The following LIN28B variants were observed in gnomAD, a reference collection of about 807,000 sequenced individuals.
The protein encoded by LIN28B is protein lin-28 homolog B.
A neutral mutation model predicts 21.9 loss-of-function variants in LIN28B; 5 were observed. The observed-to-expected ratio is 0.23, with a 90% CI of 0.12 to 0.48. LIN28B has a LOEUF of 0.48. LIN28B is among the 20% of genes least tolerant of loss of function. The pLI, the probability that LIN28B is intolerant of heterozygous loss-of-function variation, is 0.98. For synonymous variants in LIN28B, 109 were observed against 111.3 expected, an observed-to-expected ratio of 0.98 and a Z score of 0.13; for missense variants, 245 against 310.5, an observed-to-expected ratio of 0.79 and a Z score of 1.58.
chr6:104,984,223 G>T (rs773730414), intron 2 of LIN28B, among the ~76,000 whole-genome samples: 56 of 152,068 alleles, frequency 3.7e-4, no homozygotes, highest in Non-Finnish European at 1.0e-4. Context: ...TAGGTGATTT[G>T]GTAAATGTTT....
chr6:104,940,306 G>A (rs1412917136), intron 2 of LIN28B: 2 of 159,708 alleles, frequency 1.3e-5, no homozygotes, highest in East Asian at 3.9e-4. Context: ...TGGGGAGCAA[G>A]GAGTAGCATC....
rs199715968 is a variant in LIN28B, at chr6:104,979,215, A to AT, written c.198+20942dup. ...ATTTTTATTTTTATTTTTTAATTTA[A>AT]TTTTTTTTTTTTTATACAGAATCTC... On this transcript the variant is annotated intron_variant, in intron 2 of 3. Coordinates refer to ENST00000345080, the MANE Select transcript of LIN28B (RefSeq NM_001004317.4). Among the ~76,000 whole-genome samples the AT allele has an allele frequency of 6.9e-3, 1,005 of 145,754 alleles. 7 individuals are homozygous for AT. Among genetic ancestry groups the AT allele is most frequent in the Middle Eastern group, 0.021 (6 of 290 alleles).
intron 2 of LIN28B, among the ~76,000 whole-genome samples, chr6:105,009,223 T>C (rs1469061143): frequency 6.6e-6 from 1 of 152,148 alleles, no homozygotes; most frequent in Non-Finnish European, 1.5e-5. Context: ...GGTACCAAGT[T>C]TTGTGTTAGG....
chr6:105,066,416 G>A (rs1562112632), intron 3 of LIN28B, among the ~76,000 whole-genome samples: 1 of 152,132 alleles, frequency 6.6e-6, no homozygotes, highest in Non-Finnish European at 1.5e-5. Flanking sequence ...TTTTAATCTA[G>A]CGCCCTTTTG....
chr6:105,059,002 T>C (rs1743714147), intron 3 of LIN28B, among the ~76,000 whole-genome samples: 2 of 152,224 alleles, frequency 1.3e-5, no homozygotes, highest in Admixed American at 1.3e-4. Flanking sequence ...TCCTAAGATA[T>C]GCTTGTCAGA....
rs888873395 is a variant in LIN28B at position 105,080,562 on chromosome 6, G to GT, written c.*1780dup. 2 of 152,552 alleles carry GT rather than the reference G, an allele frequency of 1.3e-5. No homozygotes were observed. Among genetic ancestry groups the GT allele is most frequent in the African/African-American group, 4.8e-5 (2 of 41,420 alleles). 9.4% of individuals were successfully genotyped at this position (152,552 alleles called of 1,614,324 possible). A position where few individuals can be genotyped will look rare whatever the true frequency, so the allele number is the denominator to read the frequency against. Reference sequence around the variant, plus strand: ...CACAACAGTGATTGTGAGAATCTGCGTGGTATACACTGAAATATCGGTGTG... The same window carrying GT: ...CACAACAGTGATTGTGAGAATCTGCGTTGGTATACACTGAAATATCGGTGTG... On this transcript the variant is annotated 3_prime_UTR_variant, in exon 4 of 4. Coordinates refer to ENST00000345080, the MANE Select transcript of LIN28B (RefSeq NM_001004317.4).
At chr6:105,026,264 C>G (rs1457381371) in intron 2 of LIN28B, 34 bp from the exon 3 acceptor site, 2 of 1,271,766 alleles carry the variant, frequency 1.6e-6, no homozygotes, top group East Asian at 2.4e-5. Context: ...TTTAATCTCT[C>G]TTTTTCTCCC....
Position 105,082,225 on chromosome 6 carries a change from T to A in LIN28B, c.*3442T>A, listed in dbSNP as rs908961604. On this transcript the variant is annotated 3_prime_UTR_variant, in exon 4 of 4. Transcript: ENST00000345080. ...CTGCTTATAACTTGGAAGTTTAGAG[T>A]GCAATGTAAGAAAAAAGATCAAGAA... 2 of 152,624 alleles carry A rather than the reference T, an allele frequency of 1.3e-5. No homozygotes were observed. The highest frequency in any genetic ancestry group is 2.9e-5 in the Non-Finnish European group (2 of 68,036). 9.5% of individuals were successfully genotyped at this position (152,624 alleles called of 1,614,324 possible). A position where few individuals can be genotyped will look rare whatever the true frequency, so the allele number is the denominator to read the frequency against.
At chr6:105,050,093 G>A (rs1207898465) in intron 3 of LIN28B, among the ~76,000 whole-genome samples, 1 of 152,166 alleles carries the variant, frequency 6.6e-6, no homozygotes, top group Non-Finnish European at 1.5e-5. Context: ...TTTCTTCCTA[G>A]CATGAATGGT....
chr6:104,976,468 C>CATT (rs1173998770), intron 2 of LIN28B, among the ~76,000 whole-genome samples: 2 of 152,134 alleles, frequency 1.3e-5, no homozygotes, highest in East Asian at 3.9e-4. Context: ...CTTTATTGAA[C>CATT]ATTAGCTTTA....
At chr6:104,972,307 C>T (rs1224369427) in intron 2 of LIN28B, among the ~76,000 whole-genome samples, 1 of 151,846 alleles carries the variant, frequency 6.6e-6, no homozygotes, top group Non-Finnish European at 1.5e-5. Flanking sequence ...TAAACAAAAG[C>T]CTGTTTTTAA....
At chr6:104,997,552 C>T (rs1012781014) in intron 2 of LIN28B, among the ~76,000 whole-genome samples, 5 of 151,558 alleles carry the variant, frequency 3.3e-5, no homozygotes, top group Admixed American at 6.6e-5. Flanking sequence ...CGCCCCCCCC[C>T]GCCACACACA....
chr6:104,980,525 T>C (rs1306088042), intron 2 of LIN28B, among the ~76,000 whole-genome samples: 1 of 152,196 alleles, frequency 6.6e-6, no homozygotes, highest in African/African-American at 2.4e-5. Context: ...ATTCCTTTTA[T>C]GATTAGAAGG....
chr6:105,050,937 A>T (rs1257650192), intron 3 of LIN28B, among the ~76,000 whole-genome samples: 1 of 151,192 alleles, frequency 6.6e-6, no homozygotes, highest in Non-Finnish European at 1.5e-5. Flanking sequence ...ATATAGGGCT[A>T]GGAGTGGTGG....
chr6:105,031,701 T>G (rs1441998125), intron 3 of LIN28B, among the ~76,000 whole-genome samples: 2 of 151,904 alleles, frequency 1.3e-5, no homozygotes, highest in African/African-American at 4.8e-5. Context: ...ACGTCGCTAA[T>G]TTTTTATATT....
intron 3 of LIN28B, among the ~76,000 whole-genome samples, chr6:105,073,210 G>T (rs930634304): frequency 6.6e-6 from 1 of 152,004 alleles, no homozygotes; most frequent in Non-Finnish European, 1.5e-5. Flanking sequence ...AAACATACTA[G>T]AATAAAAAAT....
chr6:104,996,375 A>G (rs1582885913), intron 2 of LIN28B, among the ~76,000 whole-genome samples: 1 of 152,318 alleles, frequency 6.6e-6, no homozygotes, highest in African/African-American at 2.4e-5. Context: ...AGGTCACAGA[A>G]TGTTCTTGTC....
At chr6:105,039,764 T>C (rs2114363513) in intron 3 of LIN28B, among the ~76,000 whole-genome samples, 1 of 152,262 alleles carries the variant, frequency 6.6e-6, no homozygotes, top group Non-Finnish European at 1.5e-5. Flanking sequence ...GGTATTGTAG[T>C]TTTTGATGCT....
At chr6:105,072,181 G>A (rs1744550688) in intron 3 of LIN28B, among the ~76,000 whole-genome samples, 1 of 151,872 alleles carries the variant, frequency 6.6e-6, no homozygotes, top group Admixed American at 6.6e-5. Flanking sequence ...ATATTGTTGG[G>A]TATAACATTT....
Sources: allele counts gnomAD v4.1 joint callset (sites outside exome capture counted in the v4.1 genomes callset), GRCh38; gene constraint gnomAD v4.1.1; transcripts MANE v1.5; gene names NCBI Gene and HGNC (gene_info 2026-07-23, HGNC 2026-07-21).